Variants in KCNH7 observed in about 807,000 individuals in gnomAD.
KCNH7 encodes potassium voltage-gated channel subfamily H member 7, also known as voltage-gated inwardly rectifying potassium channel KCNH7.
KCNH7 carries 49 observed loss-of-function variants against 120.8 expected under a neutral mutation model. The observed-to-expected ratio is 0.41, with a 90% CI of 0.32 to 0.51. The LOEUF is 0.51. KCNH7 is among the 20% of genes least tolerant of loss of function. KCNH7 has a pLI of 0.38. For missense variants in KCNH7, 1,097 were observed against 1,446.6 expected, an observed-to-expected ratio of 0.76 and a Z score of 3.92; for synonymous variants, 547 against 516.1, an observed-to-expected ratio of 1.06 and a Z score of -0.81.
chr2:162,577,366 T>C (rs879423887), intron 2 of KCNH7, among the ~76,000 whole-genome samples: 2,316 of 144,640 alleles, frequency 0.016, 26 homozygotes, highest in Non-Finnish European at 0.023. Context: ...TCTATCTATC[T>C]ATCTATCTAT....
intron 2 of KCNH7, among the ~76,000 whole-genome samples, chr2:162,806,770 T>C (rs982604351): frequency 4.6e-5 from 7 of 152,168 alleles, no homozygotes; most frequent in African/African-American, 1.4e-4. Flanking sequence ...TTTCGGTAAA[T>C]CTGAAGTTGT....
rs139819360 is a variant in KCNH7 at position 162,507,083 on chromosome 2, T to C, written c.914-2426A>G. Among the ~76,000 whole-genome samples the C allele has an allele frequency of 1.1e-4, 17 of 151,956 alleles. No individual in the cohort carries two copies. In the East Asian group the frequency reaches 3.3e-3, roughly 30 times the overall value. ...AATTTCCAGAGCTACAATTTCCATG[T>C]AGAGGTAAGAATATATATTGTTTTA... On this transcript the variant is annotated intron_variant, in intron 5 of 15. Coordinates refer to ENST00000332142, the MANE Select transcript of KCNH7 (RefSeq NM_033272.4).
chr2:162,615,041 T>C (rs576276326), intron 2 of KCNH7, among the ~76,000 whole-genome samples: 258 of 152,332 alleles, frequency 1.7e-3, no homozygotes, highest in African/African-American at 5.9e-3. Flanking sequence ...TGCCATTCTC[T>C]AACATACTTG....
chr2:162,782,284 A>G (rs1683527821), intron 2 of KCNH7, among the ~76,000 whole-genome samples: 1 of 152,214 alleles, frequency 6.6e-6, no homozygotes, highest in African/African-American at 2.4e-5. Context: ...AATGAAAAGG[A>G]CAATGGAAAA....
intron 2 of KCNH7, among the ~76,000 whole-genome samples, chr2:162,815,112 A>G (rs1211747968): frequency 6.6e-6 from 1 of 152,190 alleles, no homozygotes; most frequent in Non-Finnish European, 1.5e-5. Context: ...TCATAAAATA[A>G]GTAACCTCTT....
chr2:162,481,198 C>CACTGTA (rs1689920066), intron 6 of KCNH7, among the ~76,000 whole-genome samples: 1 of 152,090 alleles, frequency 6.6e-6, no homozygotes, highest in South Asian at 2.1e-4. Context: ...GATGTGTCAC[C>CACTGTA]ACTGTAACCA....
chr2:162,534,259 T>C (rs1317520253), intron 3 of KCNH7, among the ~76,000 whole-genome samples: 1 of 151,424 alleles, frequency 6.6e-6, no homozygotes, highest in Non-Finnish European at 1.5e-5. Flanking sequence ...AGTAAGCTGA[T>C]AAAAACTGAA....
At chr2:162,551,140 G>A (rs183961081) in intron 2 of KCNH7, among the ~76,000 whole-genome samples, 1 of 152,158 alleles carries the variant, frequency 6.6e-6, no homozygotes, top group Non-Finnish European at 1.5e-5. Context: ...AAAGTGAGGG[G>A]AACTAAAAGG....
At chr2:162,461,215 G>T (rs1221683635) in intron 6 of KCNH7, among the ~76,000 whole-genome samples, 1 of 152,150 alleles carries the variant, frequency 6.6e-6, no homozygotes, top group Non-Finnish European at 1.5e-5. Context: ...ATTCATAATA[G>T]GTCAAATATT....
At chr2:162,784,306 T>G (rs953940102) in intron 2 of KCNH7, among the ~76,000 whole-genome samples, 1 of 152,170 alleles carries the variant, frequency 6.6e-6, no homozygotes, top group African/African-American at 2.4e-5. Context: ...TTATATAACA[T>G]GGAGGCTCCA....
chr2:162,727,273 T>C (rs1447853810), intron 2 of KCNH7, among the ~76,000 whole-genome samples: 1 of 152,162 alleles, frequency 6.6e-6, no homozygotes, highest in Non-Finnish European at 1.5e-5. Context: ...AGTTTAAGAT[T>C]TTTTATTAAG....
At chr2:162,797,662 T>A (rs781776250) in intron 2 of KCNH7, 2 of 152,034 alleles carry the variant, frequency 1.3e-5, no homozygotes, top group Non-Finnish European at 2.9e-5. Flanking sequence ...AAAGGTGGGG[T>A]AATGAGGTTG....
intron 2 of KCNH7, among the ~76,000 whole-genome samples, chr2:162,690,531 G>A (rs1322365163): frequency 6.6e-6 from 1 of 152,006 alleles, no homozygotes; most frequent in Admixed American, 6.6e-5. Flanking sequence ...GTTTTATAGA[G>A]GAAATATATA....
chr2:162,672,926 A>G (rs1476924599), intron 2 of KCNH7, among the ~76,000 whole-genome samples: 2 of 151,982 alleles, frequency 1.3e-5, no homozygotes, highest in East Asian at 3.8e-4. Flanking sequence ...AATAAACCAA[A>G]CATTTTGAGA....
At chr2:162,713,998 T>G (rs1371423677) in intron 2 of KCNH7, among the ~76,000 whole-genome samples, 1 of 152,220 alleles carries the variant, frequency 6.6e-6, no homozygotes, top group Non-Finnish European at 1.5e-5. Flanking sequence ...ATCCACCGCC[T>G]CGGCCTCCCA....
At chr2:162,652,418 G>T (rs757565516) in intron 2 of KCNH7, among the ~76,000 whole-genome samples, 28 of 152,116 alleles carry the variant, frequency 1.8e-4, no homozygotes, top group Non-Finnish European at 3.2e-4. Flanking sequence ...CTTGGACGGG[G>T]TGGTGGAGAG....
At chr2:162,751,419 A>T (rs1025503023) in intron 2 of KCNH7, among the ~76,000 whole-genome samples, 1 of 152,128 alleles carries the variant, frequency 6.6e-6, no homozygotes, top group Non-Finnish European at 1.5e-5. Context: ...CCTTTTTGCC[A>T]TAATTTGTAT....
At chr2:162,679,452 T>TAAATACACAC (rs1685638942) in intron 2 of KCNH7, among the ~76,000 whole-genome samples, 2 of 151,640 alleles carry the variant, frequency 1.3e-5, no homozygotes, top group Non-Finnish European at 3.0e-5. Context: ...GAGGGATTAT[T>TAAATACACAC]AAACCTTTAA....
intron 3 of KCNH7, among the ~76,000 whole-genome samples, chr2:162,522,206 A>T (rs73022652): frequency 0.015 from 2,304 of 152,022 alleles, 61 homozygotes; most frequent in African/African-American, 0.053. Context: ...AATGCACATG[A>T]AATTGAGTTT....
Sources: gnomAD v4.1 joint callset for allele counts (sites outside exome capture counted in the v4.1 genomes callset) on GRCh38, gnomAD v4.1.1 for gene constraint, MANE v1.5 for transcripts, NCBI Gene and HGNC (gene_info 2026-07-23, HGNC 2026-07-21) for gene names.